Variants in XKR6 observed in about 807,000 individuals in gnomAD.
XKR6 encodes the protein XK related 6.
Under a neutral mutation model 56.7 loss-of-function variants are expected in XKR6, and 22 were observed. The observed-to-expected ratio is 0.39, with a 90% CI of 0.28 to 0.55. The LOEUF (loss-of-function observed/expected upper bound fraction) is 0.55, where lower values mean the gene tolerates loss of function less well. Ranked by LOEUF, XKR6 falls within the 20% of genes least tolerant of loss-of-function variation. The pLI is 0.66. For synonymous variants in XKR6, 524 were observed against 387.8 expected, an observed-to-expected ratio of 1.35 and a Z score of -4.13; for missense variants, 852 against 889.0, an observed-to-expected ratio of 0.96 and a Z score of 0.53.
chr8:10,918,848 T>G lies in XKR6; in HGVS notation c.961+5786A>C, dbSNP rs138819919. Among the ~76,000 whole-genome samples, 275 of 152,314 alleles carry G rather than the reference T, an allele frequency of 1.8e-3. 2 individuals carry two copies. Among genetic ancestry groups the G allele is most frequent in the Middle Eastern group, 0.01 (3 of 294 alleles). ...AGCCCTATTGCATCCTGTTGGCTCA[T>G]GCTCCAGAACAGACCTCAAATCTGT... is the stretch of plus-strand genomic sequence containing the variant. On this transcript the variant is annotated intron_variant, in intron 2 of 2. Coordinates refer to ENST00000416569, the MANE Select transcript of XKR6 (RefSeq NM_173683.4).
intron 2 of XKR6, among the ~76,000 whole-genome samples, chr8:10,900,044 G>A (rs1418058206): frequency 1.3e-5 from 2 of 151,864 alleles, no homozygotes; most frequent in Non-Finnish European, 2.9e-5. Flanking sequence ...CAGTCCATCT[G>A]GGGCCTCTTT....
intron 1 of XKR6, among the ~76,000 whole-genome samples, chr8:11,182,536 T>C (rs1803045230): frequency 6.6e-6 from 1 of 152,224 alleles, no homozygotes; most frequent in Admixed American, 6.5e-5. Flanking sequence ...AGGCATATCT[T>C]GAAGTCAGAT....
intron 1 of XKR6, among the ~76,000 whole-genome samples, chr8:11,048,132 C>A (rs1283200249): frequency 6.6e-6 from 1 of 152,142 alleles, no homozygotes; most frequent in Non-Finnish European, 1.5e-5. Flanking sequence ...ACTGCAGCAG[C>A]CAGAAAGCCA....
In XKR6 at chr8:11,062,759, C is replaced by G. The variant is rs575781782; in HGVS notation, c.764+137817G>C. On this transcript the variant is annotated intron_variant, in intron 1 of 2. Coordinates refer to ENST00000416569, the MANE Select transcript of XKR6 (RefSeq NM_173683.4). ...TGTGACATAAACAGCTACGTACTTACAGAAATTGTTCTCTCTTTTCCCTGG... is the reference window on the plus strand; with the variant it reads ...TGTGACATAAACAGCTACGTACTTAGAGAAATTGTTCTCTCTTTTCCCTGG... The G allele has an allele frequency of 1.8e-5, 8 of 456,140 alleles. No homozygotes were observed. The East Asian group carries it at 4.9e-4, about 28-fold the overall frequency. The allele number at this position is 456,140 out of a possible 1,614,324, so 28.3% of individuals were successfully genotyped here.
In XKR6 at chr8:11,198,549, C is replaced by T. The variant is rs80310977; in HGVS notation, c.764+2027G>A. 1.1e-3 allele frequency among the ~76,000 whole-genome samples: 174 copies of T among 151,418 alleles called. 1 individual carries two copies. Among genetic ancestry groups the T allele is most frequent in the African/African-American group, 4.0e-3 (167 of 41,288 alleles). ...AAAAATACTACCCTACATACAACTA[C>T]AAAAGCTAAATTGACATTTTAAATG... On this transcript the variant is annotated intron_variant, in intron 1 of 2. Coordinates refer to ENST00000416569, the MANE Select transcript of XKR6 (RefSeq NM_173683.4).
intron 1 of XKR6, among the ~76,000 whole-genome samples, chr8:10,977,858 T>C (rs1374322686): frequency 6.6e-6 from 1 of 151,970 alleles, no homozygotes; most frequent in Non-Finnish European, 1.5e-5. Flanking sequence ...TTTGAAAAGC[T>C]AATTTTTGAA....
chr8:11,161,533 A>G (rs557164277), intron 1 of XKR6, among the ~76,000 whole-genome samples: 26 of 152,328 alleles, frequency 1.7e-4, no homozygotes, highest in African/African-American at 6.3e-4. Context: ...AATGACCACA[A>G]TGCACACATC....
intron 2 of XKR6, among the ~76,000 whole-genome samples, chr8:10,902,768 G>A (rs1563278573): frequency 1.3e-5 from 2 of 152,226 alleles, no homozygotes; most frequent in Admixed American, 1.3e-4. Flanking sequence ...AATGGGGAGT[G>A]GGTGTACAGG....
intron 1 of XKR6, among the ~76,000 whole-genome samples, chr8:10,957,610 G>T (rs986750864): frequency 6.6e-6 from 1 of 152,204 alleles, no homozygotes; most frequent in East Asian, 1.9e-4. Flanking sequence ...AAAATGAGAG[G>T]AGACTGCAGG....
chr8:11,014,044 G>T (rs1415357968), intron 1 of XKR6, among the ~76,000 whole-genome samples: 1 of 152,214 alleles, frequency 6.6e-6, no homozygotes, highest in Non-Finnish European at 1.5e-5. Flanking sequence ...GAAGGGATTT[G>T]TTAGGCTCTC....
chr8:10,994,167 G>C (rs907433624), intron 1 of XKR6, among the ~76,000 whole-genome samples: 3 of 152,190 alleles, frequency 2.0e-5, no homozygotes, highest in African/African-American at 7.2e-5. Context: ...GTTTCCCACT[G>C]TCATCCTGCC....
intron 1 of XKR6, among the ~76,000 whole-genome samples, chr8:10,996,975 A>AAAAAT (rs1193232168): frequency 2.6e-5 from 4 of 152,264 alleles, no homozygotes; most frequent in Admixed American, 6.5e-5. Flanking sequence ...CGTTTATTTA[A>AAAAAT]AAAATAAAAT....
chr8:11,100,625 C>T (rs1286034451), intron 1 of XKR6, among the ~76,000 whole-genome samples: 1 of 152,206 alleles, frequency 6.6e-6, no homozygotes, highest in African/African-American at 2.4e-5. Context: ...ACAGCATTCA[C>T]ACTTAACCCT....
chr8:10,970,107 C>G (rs1802360976), intron 1 of XKR6, among the ~76,000 whole-genome samples: 1 of 152,200 alleles, frequency 6.6e-6, no homozygotes, highest in Non-Finnish European at 1.5e-5. Flanking sequence ...GGCTGTTGGG[C>G]TCTGGTCAGA....
At chr8:10,941,241 C>T (rs1296016514) in intron 1 of XKR6, among the ~76,000 whole-genome samples, 1 of 152,170 alleles carries the variant, frequency 6.6e-6, no homozygotes, top group East Asian at 1.9e-4. Context: ...CCCAGGCAAC[C>T]CTTCAGCCCT....
rs1222384695 is a variant in XKR6, at chr8:10,911,650, AAT to A, written c.962-12736_962-12735del. 2.0e-3 allele frequency among the ~76,000 whole-genome samples: 289 copies of A among 146,996 alleles called. 1 individual carries two copies. The highest frequency in any genetic ancestry group is 6.9e-3 in the African/African-American group (276 of 40,066). ...AGAGGGGGTGAGTATATATATATAG[AAT>A]ATATATATATCTATAAAGAGAAAAA... is the stretch of plus-strand genomic sequence containing the variant. On this transcript the variant is annotated intron_variant, in intron 2 of 2. Transcript: ENST00000416569.
chr8:10,989,645 A>T (rs545033958), intron 1 of XKR6, among the ~76,000 whole-genome samples: 21 of 152,344 alleles, frequency 1.4e-4, no homozygotes, highest in African/African-American at 5.1e-4. Flanking sequence ...TATCAATAAC[A>T]CTGGACCAAT....
intron 1 of XKR6, among the ~76,000 whole-genome samples, chr8:11,153,204 A>C (rs1801347586): frequency 6.6e-6 from 1 of 152,212 alleles, no homozygotes; most frequent in African/African-American, 2.4e-5. Flanking sequence ...AACTGAACTC[A>C]ATCTTAATGG....
At chr8:11,110,385 C>G (rs1422878691) in intron 1 of XKR6, among the ~76,000 whole-genome samples, 1 of 152,228 alleles carries the variant, frequency 6.6e-6, no homozygotes, top group African/African-American at 2.4e-5. Context: ...GTAGACTATT[C>G]AGCTTCCAAA....
Sources: allele counts gnomAD v4.1 joint callset (sites outside exome capture counted in the v4.1 genomes callset), GRCh38; gene constraint gnomAD v4.1.1; transcripts MANE v1.5; gene names NCBI Gene and HGNC (gene_info 2026-07-23, HGNC 2026-07-21).